The following PPM1D variants were observed in gnomAD, a reference collection of about 807,000 sequenced individuals.
PPM1D encodes the protein protein phosphatase 1D.
In PPM1D, 52 loss-of-function variants were observed where a neutral mutation model predicts 58.3. The ratio of observed to expected loss-of-function variants is 0.89; its 90% CI spans 0.71 to 1.12. The LOEUF (loss-of-function observed/expected upper bound fraction) is 1.12, where lower values mean the gene tolerates loss of function less well. Among genes scored for constraint, PPM1D ranks in the 50% most tolerant of loss-of-function variants. PPM1D has a pLI of 0.00. For synonymous variants in PPM1D, 278 were observed against 285.1 expected, an observed-to-expected ratio of 0.98 and a Z score of 0.25; for missense variants, 564 against 777.2, an observed-to-expected ratio of 0.73 and a Z score of 3.26.
At chr17:60,658,183 T>G (rs1045854634) in intron 5 of PPM1D, among the ~76,000 whole-genome samples, 1 of 152,208 alleles carries the variant, frequency 6.6e-6, no homozygotes, top group Non-Finnish European at 1.5e-5. Context: ...TTGTATGTAA[T>G]TATTACTTTC....
intron 1 of PPM1D, among the ~76,000 whole-genome samples, chr17:60,619,483 C>A (rs948363855): frequency 7.9e-5 from 12 of 152,116 alleles, no homozygotes; most frequent in Admixed American, 4.6e-4. Flanking sequence ...ATAGCTATGC[C>A]AATTTACATT....
At chr17:60,634,560 C>G in intron 3 of PPM1D, among the ~76,000 whole-genome samples, 1 of 152,230 alleles carries the variant, frequency 6.6e-6, no homozygotes. Flanking sequence ...TTTTAAGTAT[C>G]CCATTCTCCT....
intron 1 of PPM1D, among the ~76,000 whole-genome samples, chr17:60,610,141 C>T (rs1025967157): frequency 1.1e-4 from 16 of 147,740 alleles, no homozygotes; most frequent in African/African-American, 4.1e-4. Flanking sequence ...GATCGTGCCA[C>T]TGCACTCCAA....
Position 60,600,817 on chromosome 17 carries a change from C to A in PPM1D, c.403C>A (p.Pro135Thr). ...GCAGAAGGGTTTCACCTCGTCCGAG[C>A]CGGCTAAGGTTTGCGCTGCCATCCG... ...KKQKGFTSSE[P>T]AKVCAAIRKG... The change falls in exon 1 of 6, where the codon CCG becomes ACG. Residue 135 changes from proline to threonine, a missense_variant. Physicochemically the swap from Pro to Thr is conservative, Grantham distance 38. Around this residue, in one of 7 missense-constraint regions of PPM1D, gnomAD observed 23 missense variants for 28.9 expected, o/e 0.80. Transcript: ENST00000305921. The A allele has an allele frequency of 6.2e-7, 1 of 1,613,074 alleles. No homozygotes were observed. Among genetic ancestry groups the A allele is most frequent in the Non-Finnish European group, 8.5e-7 (1 of 1,180,002 alleles).
intron 1 of PPM1D, among the ~76,000 whole-genome samples, chr17:60,609,283 T>TG (rs1033153842): frequency 2.7e-4 from 40 of 149,366 alleles, no homozygotes; most frequent in African/African-American, 9.4e-4. Context: ...TTAGTAGAGA[T>TG]GGGGTTTCAC....
intron 4 of PPM1D, among the ~76,000 whole-genome samples, chr17:60,649,780 C>A (rs752972750): frequency 1.2e-4 from 19 of 152,132 alleles, no homozygotes; most frequent in Non-Finnish European, 2.4e-4. Context: ...ATGGTCCTTC[C>A]TCAGCACTTA....
chr17:60,651,019 T>C (rs2031333214), intron 4 of PPM1D, among the ~76,000 whole-genome samples: 1 of 151,972 alleles, frequency 6.6e-6, no homozygotes, highest in Admixed American at 6.6e-5. Context: ...TTAACAAGAG[T>C]TGCGTAAATT....
intron 2 of PPM1D, among the ~76,000 whole-genome samples, chr17:60,628,878 TATGGTTTCATCATCTTTTATATTTTA>T (rs2143664778): frequency 6.6e-6 from 1 of 152,298 alleles, no homozygotes; most frequent in East Asian, 1.9e-4. Flanking sequence ...CCAGTACTCG[TATGGTTTCATCATCTTTTATATTTTA>T]ATCTTTAATC....
intron 2 of PPM1D, among the ~76,000 whole-genome samples, chr17:60,629,374 C>T (rs1377515276): frequency 6.6e-6 from 1 of 152,200 alleles, no homozygotes; most frequent in Admixed American, 6.6e-5. Context: ...TGAGCCATCA[C>T]TTGGGAGATG....
rs547861558 is a variant in PPM1D, at chr17:60,663,864, A to G, written c.*312A>G. 2.8e-4 allele frequency: 55 copies of G among 198,382 alleles called. No homozygotes were observed. Among genetic ancestry groups the G allele is most frequent in the Middle Eastern group, 4.1e-3 (2 of 492 alleles). The allele number at this position is 198,382 out of a possible 1,614,324, so 12.3% of individuals were successfully genotyped here. ...ACAATAGGGCTAAATGTTTAAAGAA[A>G]TCAAAAGAATCTATTAGATTTTAGA... is the stretch of plus-strand genomic sequence containing the variant. On this transcript the variant is annotated 3_prime_UTR_variant, in exon 6 of 6. Transcript: ENST00000305921.
intron 3 of PPM1D, among the ~76,000 whole-genome samples, chr17:60,638,441 T>C (rs8067212): frequency 0.046 from 7,069 of 152,160 alleles, 581 homozygotes; most frequent in African/African-American, 0.16. Flanking sequence ...CGATCTCAGC[T>C]CACTGCAACT....
At position 60,638,665 on chromosome 17, in the gene PPM1D, G is replaced by T. The variant is rs559416448; in HGVS notation, c.826+4688G>T. The stretch of plus-strand genomic sequence containing the variant: ...ATTACAAGCGCAAGCCACCGCGACC[G>T]ACCGGCCTGGAAATAATATTTTTAA... On this transcript the variant is annotated intron_variant, in intron 3 of 5. Coordinates refer to ENST00000305921, the MANE Select transcript of PPM1D (RefSeq NM_003620.4). Among the ~76,000 whole-genome samples the T allele has an allele frequency of 2.6e-5, 4 of 151,980 alleles. No homozygotes were observed. In the East Asian group the frequency reaches 7.7e-4, roughly 29 times the overall value.
chr17:60,629,647 T>C (rs1386145352), intron 2 of PPM1D, among the ~76,000 whole-genome samples: 1 of 152,236 alleles, frequency 6.6e-6, no homozygotes, highest in Non-Finnish European at 1.5e-5. Context: ...TTTTTCCTGC[T>C]TATTTACCAG....
intron 1 of PPM1D, among the ~76,000 whole-genome samples, chr17:60,604,267 A>G (rs1307437802): frequency 6.6e-6 from 1 of 152,256 alleles, no homozygotes; most frequent in Non-Finnish European, 1.5e-5. Context: ...TGTTGTGGAT[A>G]CACATTATCC....
chr17:60,642,665 G>T (rs2031158869), intron 3 of PPM1D, among the ~76,000 whole-genome samples: 1 of 152,030 alleles, frequency 6.6e-6, no homozygotes, highest in African/African-American at 2.4e-5. Context: ...CACCATTTTG[G>T]CCAGGATGGT....
intron 4 of PPM1D, among the ~76,000 whole-genome samples, chr17:60,649,889 A>G (rs1345855868): frequency 6.6e-6 from 1 of 152,208 alleles, no homozygotes; most frequent in African/African-American, 2.4e-5. Flanking sequence ...TTACATGTTC[A>G]GGGCCTGGTG....
chr17:60,638,191 T>G (rs2031062110), intron 3 of PPM1D, among the ~76,000 whole-genome samples: 1 of 152,234 alleles, frequency 6.6e-6, no homozygotes, highest in African/African-American at 2.4e-5. Context: ...ATTAATATTT[T>G]GATAAAAGGG....
At chr17:60,662,929 C>A in intron 5 of PPM1D, 66 bp from the exon 6 acceptor site, 1 of 1,428,558 alleles carries the variant, frequency 7.0e-7, no homozygotes, top group Non-Finnish European at 9.5e-7. Flanking sequence ...CCTAATATCA[C>A]ATGCATAGAT....
At chr17:60,659,017 TAAG>T (rs775974231) in intron 5 of PPM1D, among the ~76,000 whole-genome samples, 13 of 152,176 alleles carry the variant, frequency 8.5e-5, no homozygotes, top group Non-Finnish European at 1.8e-4. Context: ...AAAGTAAAGA[TAAG>T]AAGACGTATG....
Sources: gnomAD v4.1 joint callset for allele counts (sites outside exome capture counted in the v4.1 genomes callset) on GRCh38, gnomAD v4.1.1 for gene constraint, gnomAD v4.1.1 regional missense constraint, MANE v1.5 for transcripts, NCBI Gene and HGNC (gene_info 2026-07-23, HGNC 2026-07-21) for gene names.